WDPCP: variants seen among roughly 807,000 people sequenced by gnomAD.
The protein encoded by WDPCP is WD repeat-containing and planar cell polarity effector protein fritz homolog.
In WDPCP, 71 loss-of-function variants were observed where a neutral mutation model predicts 93.1. The ratio of observed to expected loss-of-function variants is 0.76; its 90% CI spans 0.63 to 0.93. WDPCP has a LOEUF of 0.93. Ranked by LOEUF, WDPCP falls within the 40% of genes least tolerant of loss-of-function variation. The pLI, the probability that WDPCP is intolerant of heterozygous loss-of-function variation, is 0.00. For synonymous variants in WDPCP, 315 were observed against 315.0 expected (o/e 1.00, Z 0.00); for missense variants, 844 against 887.4 (o/e 0.95, Z 0.62).
At chr2:63,477,180 T>C (rs1700019898) in intron 6 of WDPCP, among the ~76,000 whole-genome samples, 2 of 152,164 alleles carry the variant, frequency 1.3e-5, no homozygotes, top group South Asian at 4.1e-4. Flanking sequence ...CATAATACTT[T>C]ATTAAATTCA....
intron 12 of WDPCP, among the ~76,000 whole-genome samples, chr2:63,374,260 A>G (rs1691655031): frequency 1.3e-5 from 2 of 152,108 alleles, no homozygotes. Flanking sequence ...TCTTACTGTG[A>G]GCCAGAGGAT....
At chr2:63,529,990 G>A (rs1703700782) in intron 1 of WDPCP, among the ~76,000 whole-genome samples, 1 of 152,176 alleles carries the variant, frequency 6.6e-6, no homozygotes, top group Admixed American at 6.5e-5. Flanking sequence ...TTTGTGTAGA[G>A]GTGTTTATAG....
chr2:63,250,493 AC>A (rs1440705583), intron 14 of WDPCP, among the ~76,000 whole-genome samples: 1 of 152,164 alleles, frequency 6.6e-6, no homozygotes, highest in African/African-American at 2.4e-5. Context: ...TGAGTTCTTT[AC>A]CTCAATTGAA....
At chr2:63,798,175 T>A (rs992774753) in intron 2 of WDPCP, among the ~76,000 whole-genome samples, 1 of 152,134 alleles carries the variant, frequency 6.6e-6, no homozygotes, top group Non-Finnish European at 1.5e-5. Flanking sequence ...CTACAAGAAA[T>A]GCTAAACTTC....
At chr2:63,607,623 G>A (rs936141716) in intron 3 of WDPCP, among the ~76,000 whole-genome samples, 8 of 151,422 alleles carry the variant, frequency 5.3e-5, no homozygotes, top group Non-Finnish European at 1.2e-4. Context: ...TACGTCAGGA[G>A]ATCGAGACCA....
intron 12 of WDPCP, among the ~76,000 whole-genome samples, chr2:63,322,511 C>T (rs1329384822): frequency 6.6e-6 from 1 of 152,190 alleles, no homozygotes; most frequent in Non-Finnish European, 1.5e-5. Context: ...CATGAACCCA[C>T]TGGGAGGAAG....
chr2:63,327,531 C>A (rs990242484), intron 12 of WDPCP, among the ~76,000 whole-genome samples: 3 of 152,110 alleles, frequency 2.0e-5, no homozygotes, highest in South Asian at 2.1e-4. Context: ...TCTCCAAAAC[C>A]CCCGAGGCCT....
rs566683194 is a variant in WDPCP at position 63,395,210 on chromosome 2, G to A, written c.1435+8838C>T. 1.1e-4 allele frequency among the ~76,000 whole-genome samples: 16 copies of A among 152,258 alleles called. No homozygotes were observed. The South Asian group carries it at 3.1e-3, about 30-fold the overall frequency. The stretch of plus-strand genomic sequence containing the variant: ...CCATTTCTATGAAATTCTAGAAAAG[G>A]CAAATCGAATCTATTTTTTTATCTA... On this transcript the variant is annotated intron_variant, in intron 10 of 17. Transcript: ENST00000272321.
At chr2:63,427,037 T>C (rs970750052) in intron 9 of WDPCP, among the ~76,000 whole-genome samples, 2 of 152,160 alleles carry the variant, frequency 1.3e-5, no homozygotes, top group Non-Finnish European at 2.9e-5. Flanking sequence ...AACAAGATGA[T>C]CTAACTATCC....
At chr2:63,597,213 T>G in intron 3 of WDPCP, 8 of 888,922 alleles carry the variant, frequency 9.0e-6, no homozygotes, top group Non-Finnish European at 1.1e-5. Flanking sequence ...ATAAATCTAT[T>G]GACATTTCTA....
chr2:63,838,603 C>G, the WDPCP span, among the ~76,000 whole-genome samples: 2 of 151,664 alleles, frequency 1.3e-5, no homozygotes, highest in South Asian at 4.2e-4. Context: ...AAGGTAAAAT[C>G]TATAAATCTA....
chr2:63,546,135 A>AG (rs1705136389), intron 1 of WDPCP, among the ~76,000 whole-genome samples: 1 of 152,200 alleles, frequency 6.6e-6, no homozygotes, highest in Non-Finnish European at 1.5e-5. Context: ...CACGCTTGGG[A>AG]GGGCCTTAGC....
At chr2:63,702,499 C>T (rs1283997594) in intron 2 of WDPCP, among the ~76,000 whole-genome samples, 4 of 151,580 alleles carry the variant, frequency 2.6e-5, no homozygotes, top group East Asian at 3.9e-4. Context: ...TTTAAGCCTA[C>T]ATTTTTACAT....
chr2:63,218,977 T>C (rs1677587290), intron 14 of WDPCP, among the ~76,000 whole-genome samples: 1 of 152,238 alleles, frequency 6.6e-6, no homozygotes, highest in Non-Finnish European at 1.5e-5. Context: ...AACAATAGAA[T>C]GCTTTTCTTT....
chr2:63,715,532 C>T (rs1473230824), intron 2 of WDPCP, among the ~76,000 whole-genome samples: 1 of 152,152 alleles, frequency 6.6e-6, no homozygotes, highest in East Asian at 1.9e-4. Flanking sequence ...ATACCCAGTC[C>T]TCATATTTGT....
At chr2:63,295,540 T>C (rs1684777447) in intron 13 of WDPCP, among the ~76,000 whole-genome samples, 2 of 52,998 alleles carry the variant, frequency 3.8e-5, no homozygotes, top group South Asian at 1.5e-3. Flanking sequence ...TTACAAGAGA[T>C]AAAAAAAAGA....
chr2:63,404,741 A>G (rs1694437039), intron 9 of WDPCP, 84 bp from the exon 10 acceptor site: 6 of 1,549,946 alleles, frequency 3.9e-6, no homozygotes, highest in Non-Finnish European at 5.3e-6. Context: ...TTATTCAGAA[A>G]CCTATTAAAG....
chr2:63,186,594 C>T (rs1674654832), intron 14 of WDPCP, among the ~76,000 whole-genome samples: 1 of 152,232 alleles, frequency 6.6e-6, no homozygotes, highest in Non-Finnish European at 1.5e-5. Context: ...GAGGTAGTTT[C>T]CCATGGCCTG....
chr2:63,835,225 A>T, the WDPCP span, among the ~76,000 whole-genome samples: 1 of 150,930 alleles, frequency 6.6e-6, no homozygotes, highest in African/African-American at 2.4e-5. Flanking sequence ...TGTCTCTACC[A>T]AAAAAAATAC....
Sources: allele counts gnomAD v4.1 joint callset (sites outside exome capture counted in the v4.1 genomes callset), GRCh38; gene constraint gnomAD v4.1.1; transcripts MANE v1.5; gene names NCBI Gene and HGNC (gene_info 2026-07-23, HGNC 2026-07-21).